Variants in AMOTL1 observed in about 807,000 individuals in gnomAD.
AMOTL1 encodes the protein angiomotin like 1.
A neutral mutation model predicts 102.9 loss-of-function variants in AMOTL1; 45 were observed. The ratio of observed to expected loss-of-function variants is 0.44; its 90% CI spans 0.34 to 0.56. AMOTL1 has a LOEUF of 0.56. Among genes scored for constraint, AMOTL1 ranks in the 20% least tolerant of loss-of-function variants. The pLI, the probability that AMOTL1 is intolerant of heterozygous loss-of-function variation, is 0.01. For missense variants in AMOTL1, 1,114 were observed against 1,225.6 expected (o/e 0.91, Z 1.36); for synonymous variants, 481 against 484.7 (o/e 0.99, Z 0.10).
At chr11:94,722,405 A>G (rs1287795706) in intron 1 of AMOTL1, among the ~76,000 whole-genome samples, 1 of 152,190 alleles carries the variant, frequency 6.6e-6, no homozygotes, top group African/African-American at 2.4e-5. Flanking sequence ...TAATAGAAAC[A>G]ACTACTATTG....
In AMOTL1 at chr11:94,865,951, T is replaced by C; in HGVS notation, c.2271T>C (p.Asn757=). 1 of 1,613,308 alleles carries C rather than the reference T, an allele frequency of 6.2e-7. No individual in the cohort carries two copies. The change falls in exon 11 of 13, where the codon AAT becomes AAC. Residue 757 remains asparagine (N), a synonymous_variant. Coordinates refer to ENST00000433060, the MANE Select transcript of AMOTL1 (RefSeq NM_130847.3). ...TTGTTTTGTTTTACAGTATTAAAAA[T>C]CTCCATGCCAAAATCATAGAGAAAG... is the stretch of plus-strand genomic sequence containing the variant. The part of the protein sequence containing the change: ...RCQDMEYTIK[N]LHAKIIEKDA...
chr11:94,850,512 A>G (rs1386950183), intron 7 of AMOTL1, among the ~76,000 whole-genome samples: 1 of 152,268 alleles, frequency 6.6e-6, no homozygotes, highest in African/African-American at 2.4e-5. Context: ...AGCCCAGCCT[A>G]CAGCCCATCG....
At chr11:94,805,167 C>T (rs1316880487) in intron 3 of AMOTL1, among the ~76,000 whole-genome samples, 3 of 152,206 alleles carry the variant, frequency 2.0e-5, no homozygotes, top group Non-Finnish European at 4.4e-5. Context: ...GTCACTAAAT[C>T]TGGTGAATTT....
At chr11:94,726,147 G>C (rs939397468) in intron 1 of AMOTL1, among the ~76,000 whole-genome samples, 1 of 152,196 alleles carries the variant, frequency 6.6e-6, no homozygotes, top group Non-Finnish European at 1.5e-5. Context: ...GGCTTGGGCA[G>C]CTGGGTAGAT....
Position 94,864,840 on chromosome 11 carries a change from G to A in AMOTL1, c.2241G>A (p.Arg747=), listed in dbSNP as rs750260537. The change falls in exon 10 of 13, where the codon AGG becomes AGA. Residue 747 remains arginine, a synonymous_variant. Coordinates refer to ENST00000433060, the MANE Select transcript of AMOTL1 (RefSeq NM_130847.3). ...EEEEVVQANR[R]CQDMEYTIKN... is the part of the protein sequence containing the mutation. ...AGGAGGTGGTGCAGGCCAACAGAAG[G>A]TGTCAGGACATGGAATACACGTAAG... 3 of 1,613,730 alleles carry A rather than the reference G, an allele frequency of 1.9e-6. No homozygotes were observed. The highest frequency in any genetic ancestry group is 2.5e-6 in the Non-Finnish European group (3 of 1,179,732).
At chr11:94,837,677 G>T (rs1320572875) in intron 6 of AMOTL1, among the ~76,000 whole-genome samples, 1 of 152,126 alleles carries the variant, frequency 6.6e-6, no homozygotes, top group Non-Finnish European at 1.5e-5. Flanking sequence ...CTCAATTTAG[G>T]CTCAAATTAG....
intron 1 of AMOTL1, among the ~76,000 whole-genome samples, chr11:94,708,581 T>C (rs1329639872): frequency 6.6e-6 from 1 of 152,164 alleles, no homozygotes; most frequent in Non-Finnish European, 1.5e-5. Context: ...CTCTAAAACA[T>C]AGCAATTAAA....
rs192817038 is a variant in AMOTL1, at chr11:94,750,930, A to C, written c.136+9942A>C. Among the ~76,000 whole-genome samples, 224 of 152,316 alleles carry C rather than the reference A, an allele frequency of 1.5e-3. 2 individuals carry two copies. The highest frequency in any genetic ancestry group is 5.1e-3 in the African/African-American group (212 of 41,560). ...TCAGAACAACTTAGTGAAGCAGATG[A>C]AATTATTTTCATTTTCTAAAGGAGG... On this transcript the variant is annotated intron_variant, in intron 3 of 4. Coordinates refer to the AMOTL1 transcript ENST00000299004.
At chr11:94,759,200 T>C (rs181216679) in intron 3 of AMOTL1, among the ~76,000 whole-genome samples, 32 of 152,308 alleles carry the variant, frequency 2.1e-4, no homozygotes, top group Non-Finnish European at 3.7e-4. Flanking sequence ...TGAATTAAAA[T>C]TTGCTAAAAT....
At chr11:94,859,269 C>T (rs1189172899) in intron 8 of AMOTL1, among the ~76,000 whole-genome samples, 1 of 152,202 alleles carries the variant, frequency 6.6e-6, no homozygotes, top group African/African-American at 2.4e-5. Flanking sequence ...CCTGACCCTA[C>T]TACTGATAAG....
At position 94,836,701 on chromosome 11, in the gene AMOTL1, G is replaced by C. The variant is rs185134441; in HGVS notation, c.1648+5160G>C. Among the ~76,000 whole-genome samples, 633 of 151,132 alleles carry C rather than the reference G, an allele frequency of 4.2e-3. 12 individuals carry two copies. The highest frequency in any genetic ancestry group is 0.035 in the South Asian group (167 of 4,752). On this transcript the variant is annotated intron_variant, in intron 6 of 12. Coordinates refer to ENST00000433060, the MANE Select transcript of AMOTL1 (RefSeq NM_130847.3). ...GGGTAAAATTATTAAACTACTATCA[G>C]AATAAAAGCAATTTAAAAATAGCTG...
In AMOTL1 at chr11:94,736,892, G is replaced by T. The variant is rs533530106; in HGVS notation, c.86-4046G>T. ...CACTGATCATCTCTGTGTCTGCAGT[G>T]CCTTGCACAGCGCTGGAAGCATGGT... On this transcript the variant is annotated intron_variant, in intron 2 of 4. Coordinates refer to the AMOTL1 transcript ENST00000299004. 5.9e-5 allele frequency among the ~76,000 whole-genome samples: 9 copies of T among 152,314 alleles called. No individual in the cohort carries two copies. In the East Asian group the frequency reaches 1.7e-3, roughly 29 times the overall value.
chr11:94,708,050 C>T (rs182500696), intron 1 of AMOTL1, among the ~76,000 whole-genome samples: 59 of 152,266 alleles, frequency 3.9e-4, no homozygotes, highest in African/African-American at 1.4e-3. Context: ...AGTCAGTCTT[C>T]TTAATATCTC....
At chr11:94,822,608 T>C (rs1951886521) in intron 4 of AMOTL1, among the ~76,000 whole-genome samples, 1 of 152,234 alleles carries the variant, frequency 6.6e-6, no homozygotes, top group Admixed American at 6.5e-5. Context: ...GTGTGCTTTC[T>C]GCATGTTTGT....
intron 2 of AMOTL1, among the ~76,000 whole-genome samples, chr11:94,740,754 G>A (rs572486996): frequency 6.6e-6 from 1 of 152,254 alleles, no homozygotes; most frequent in South Asian, 2.1e-4. Context: ...AGTTTCTGCG[G>A]CGATTTGTCA....
chr11:94,790,416 G>C lies in AMOTL1; in HGVS notation c.50-4595G>C, dbSNP rs555663377. Among the ~76,000 whole-genome samples the C allele has an allele frequency of 2.2e-4, 34 of 152,298 alleles. 1 individual carries two copies. The South Asian group carries it at 6.0e-3, about 27-fold the overall frequency. On this transcript the variant is annotated intron_variant, in intron 1 of 12. Transcript: ENST00000433060. ...AAGTGTGGTGACAGTTGAGGGAAGG[G>C]AGATCAGTCAGGGCATGGGGGATGG... is the stretch of plus-strand genomic sequence containing the variant.
Position 94,768,478 on chromosome 11 carries a change from C to T in AMOTL1, c.-34C>T, listed in dbSNP as rs977888064. ...CCGCGCTGCCCGGCAGCCGTCTTCC[C>T]CAGCCGAGGGACTGAACTAGCCATG... On this transcript the variant is annotated 5_prime_UTR_variant, in exon 1 of 13. Coordinates refer to ENST00000433060, the MANE Select transcript of AMOTL1 (RefSeq NM_130847.3). 3 of 1,578,018 alleles carry T rather than the reference C, an allele frequency of 1.9e-6. No individual in the cohort carries two copies. The highest frequency in any genetic ancestry group is 2.6e-6 in the Non-Finnish European group (3 of 1,163,248).
chr11:94,845,748 A>C (rs1053005237), intron 6 of AMOTL1, among the ~76,000 whole-genome samples: 14 of 152,216 alleles, frequency 9.2e-5, no homozygotes, highest in African/African-American at 3.1e-4. Context: ...TGTGGTTTCA[A>C]GAGTAAACAG....
chr11:94,776,576 C>T (rs1167278358), intron 1 of AMOTL1, among the ~76,000 whole-genome samples: 2 of 152,236 alleles, frequency 1.3e-5, no homozygotes, highest in African/African-American at 2.4e-5. Flanking sequence ...GCTTGCTTTG[C>T]TTTCTCTTTG....
Sources: gnomAD v4.1 joint callset for allele counts (sites outside exome capture counted in the v4.1 genomes callset) on GRCh38, gnomAD v4.1.1 for gene constraint, MANE v1.5 for transcripts, NCBI Gene and HGNC (gene_info 2026-07-23, HGNC 2026-07-21) for gene names.